CUX1: variants seen among roughly 807,000 people sequenced by gnomAD.
The protein encoded by CUX1 is cut like homeobox 1.
Under a neutral mutation model 158.8 loss-of-function variants are expected in CUX1, and 31 were observed. The observed-to-expected ratio is 0.20, with a 90% CI of 0.15 to 0.26. CUX1 has a LOEUF of 0.26. Ranked by LOEUF, CUX1 falls within the 10% of genes least tolerant of loss-of-function variation. CUX1 has a pLI of 1.00. For missense variants in CUX1, 1,589 were observed against 2,014.6 expected (o/e 0.79, Z 4.04); for synonymous variants, 879 against 862.1 (o/e 1.02, Z -0.34).
At chr7:102,028,696 C>T (rs1239507589) in intron 3 of CUX1, among the ~76,000 whole-genome samples, 23 of 152,276 alleles carry the variant, frequency 1.5e-4, no homozygotes, top group Non-Finnish European at 2.6e-4. Context: ...GCAGACGGCA[C>T]GTGGGTGGCA....
At chr7:102,017,891 G>A (rs1563136386) in intron 2 of CUX1, among the ~76,000 whole-genome samples, 1 of 152,108 alleles carries the variant, frequency 6.6e-6, no homozygotes, top group African/African-American at 2.4e-5. Context: ...CAAATCTATT[G>A]ATGTAATTGA....
In CUX1 at chr7:102,025,597, C is replaced by G. The variant is rs1280623097; in HGVS notation, c.142-2501C>G. ...GAGCCGAGATCATGCCACTGTACTC[C>G]AGCCTGGGTGACAGAGCCAGACCCC... On this transcript the variant is annotated intron_variant, in intron 2 of 23. Coordinates refer to ENST00000292535, the MANE Select transcript of CUX1 (RefSeq NM_181552.4). Among the ~76,000 whole-genome samples the G allele has an allele frequency of 1.3e-5, 2 of 151,840 alleles. 1 individual carries two copies. The highest frequency in any genetic ancestry group is 1.3e-4 in the Admixed American group (2 of 15,240).
intron 8 of CUX1, among the ~76,000 whole-genome samples, chr7:102,126,525 T>G (rs1265633550): frequency 6.6e-6 from 1 of 152,168 alleles, no homozygotes; most frequent in African/African-American, 2.4e-5. Context: ...ACAATGGCAT[T>G]ATGTCCCCTA....
At chr7:102,088,419 G>C (rs1283431762) in intron 4 of CUX1, among the ~76,000 whole-genome samples, 1 of 152,050 alleles carries the variant, frequency 6.6e-6, no homozygotes, top group Non-Finnish European at 1.5e-5. Context: ...GATCGCTTGA[G>C]GTCTGGAGCT....
In CUX1 at chr7:102,028,084, G is replaced by A. The variant is rs1318650162; in HGVS notation, c.142-14G>A. 3 of 1,612,012 alleles carry A rather than the reference G, an allele frequency of 1.9e-6. No homozygotes were observed. The highest frequency in any genetic ancestry group is 2.5e-6 in the Non-Finnish European group (3 of 1,179,908). ...CTCAAATGGCTGCTTCCTGACCTCC[G>A]CCTCCTGCTCCAGGATTTGCGCAAG... On this transcript the variant is annotated splice_polypyrimidine_tract_variant and intron_variant, in intron 2 of 23. Coordinates refer to ENST00000292535, the MANE Select transcript of CUX1 (RefSeq NM_181552.4).
intron 1 of CUX1, among the ~76,000 whole-genome samples, chr7:101,911,348 T>TTGGCCC (rs1178004675): frequency 3.9e-5 from 6 of 152,228 alleles, no homozygotes; most frequent in African/African-American, 1.2e-4. Context: ...GGCCTTGGCC[T>TTGGCCC]TGGCCCTCCA....
intron 20 of CUX1, among the ~76,000 whole-genome samples, chr7:102,216,514 GCA>G (rs538486124): frequency 4.6e-4 from 47 of 101,950 alleles, no homozygotes; most frequent in African/African-American, 1.4e-3. Context: ...GTGTGTGCGC[GCA>G]CACACACACT....
intron 2 of CUX1, among the ~76,000 whole-genome samples, chr7:101,992,763 G>T (rs1180907880): frequency 6.6e-6 from 1 of 152,166 alleles, no homozygotes; most frequent in Non-Finnish European, 1.5e-5. Context: ...GGCCACCAGA[G>T]CTTTGATTTC....
intron 1 of CUX1, among the ~76,000 whole-genome samples, chr7:101,905,710 A>T (rs1802676808): frequency 6.6e-6 from 1 of 152,244 alleles, no homozygotes; most frequent in Non-Finnish European, 1.5e-5. Flanking sequence ...ATTCGGCCCT[A>T]ATCTCCAAGA....
chr7:101,979,896 C>T (rs1585159379), intron 2 of CUX1, among the ~76,000 whole-genome samples: 1 of 152,226 alleles, frequency 6.6e-6, no homozygotes, highest in South Asian at 2.1e-4. Flanking sequence ...TTAGGTGATC[C>T]ACCCGCCTTG....
rs574622789 is a variant in CUX1 at position 102,135,973 on chromosome 7, C to CA, written c.674+20710dup. Reference sequence around the variant, plus strand: ...TGGGAGACAGAGCAAGGCTCTGTCTCAAAAAAAAAAGAAAATGGTTTTTTC... The same window carrying CA: ...TGGGAGACAGAGCAAGGCTCTGTCTCAAAAAAAAAAAGAAAATGGTTTTTTC... On this transcript the variant is annotated intron_variant, in intron 8 of 23. Coordinates refer to ENST00000292535, the MANE Select transcript of CUX1 (RefSeq NM_181552.4). Among the ~76,000 whole-genome samples, 151 of 141,114 alleles carry CA rather than the reference C, an allele frequency of 1.1e-3. 1 individual carries two copies. Among genetic ancestry groups the CA allele is most frequent in the African/African-American group, 1.6e-3 (60 of 38,500 alleles). The allele number at this position is 141,114 out of a possible 152,430, so 92.6% of individuals were successfully genotyped here.
chr7:102,030,689 G>GTGTTTTTTTTTTTTTTTTTTTTTTTTT (rs1554459461), intron 3 of CUX1, among the ~76,000 whole-genome samples: 217 of 82,522 alleles, frequency 2.6e-3, no homozygotes, highest in Middle Eastern at 7.4e-3. Context: ...ATTTTAAAAA[G>GTGTTTTTTTTTTTTTTTTTTTTTTTTT]TGTTTTTTTT....
chr7:101,992,839 A>G (rs889366981), intron 2 of CUX1, among the ~76,000 whole-genome samples: 9 of 139,018 alleles, frequency 6.5e-5, no homozygotes, highest in Admixed American at 5.6e-4. Context: ...ATTGTTGTTC[A>G]TGGTAATTAC....
In CUX1 at chr7:102,149,817, C is replaced by A. The variant is rs1437356656; in HGVS notation, c.675-8743C>A. ...GGATTCCAGACCTAGAGCCAAGTGA[C>A]CTTCCTCAGAGCCTGGCCCTGTCTC... On this transcript the variant is annotated intron_variant, in intron 8 of 23. Coordinates refer to ENST00000292535, the MANE Select transcript of CUX1 (RefSeq NM_181552.4). 3.9e-5 allele frequency among the ~76,000 whole-genome samples: 6 copies of A among 152,268 alleles called. No individual in the cohort carries two copies. In the East Asian group the frequency reaches 1.2e-3, roughly 29 times the overall value.
At chr7:102,027,228 T>C (rs1264205194) in intron 2 of CUX1, among the ~76,000 whole-genome samples, 2 of 151,922 alleles carry the variant, frequency 1.3e-5, no homozygotes, top group African/African-American at 2.4e-5. Flanking sequence ...CTACTACAAA[T>C]ACAAACATTA....
At position 102,028,154 on chromosome 7, in the gene CUX1, T is replaced by G. The variant is rs757627662; in HGVS notation, c.189+9T>G. The G allele has an allele frequency of 3.7e-6, 6 of 1,613,246 alleles. No homozygotes were observed. Among genetic ancestry groups the G allele is most frequent in the Middle Eastern group, 1.8e-4 (1 of 5,420 alleles). On this transcript the variant is annotated intron_variant, in intron 3 of 23. Coordinates refer to ENST00000292535, the MANE Select transcript of CUX1 (RefSeq NM_181552.4). Reference sequence around the variant, plus strand: ...AGAGTTTCCAAGGAGAGGTAAGCTTTTCTATTCATTTTCTATCCTGAGCCA... The same window carrying G: ...AGAGTTTCCAAGGAGAGGTAAGCTTGTCTATTCATTTTCTATCCTGAGCCA...
intron 11 of CUX1, among the ~76,000 whole-genome samples, chr7:102,187,680 T>C (rs1167649507): frequency 2.6e-5 from 4 of 151,770 alleles, no homozygotes; most frequent in African/African-American, 9.7e-5. Flanking sequence ...TTGTATTTTT[T>C]TTTTTTTTTT....
chr7:102,218,995 GT>G (rs1797524294), intron 20 of CUX1, among the ~76,000 whole-genome samples: 1 of 150,164 alleles, frequency 6.7e-6, no homozygotes, highest in African/African-American at 2.5e-5. Context: ...AGAGGCTGCA[GT>G]GAGCCAAGAT....
intron 4 of CUX1, among the ~76,000 whole-genome samples, chr7:102,092,928 AAAAAG>A (rs1828740796): frequency 8.3e-6 from 1 of 119,956 alleles, no homozygotes; most frequent in Non-Finnish European, 1.7e-5. Context: ...AAAAAAAAAA[AAAAAG>A]AAAGAAAGAA....
Sources: allele counts gnomAD v4.1 joint callset (sites outside exome capture counted in the v4.1 genomes callset), GRCh38; gene constraint gnomAD v4.1.1; transcripts MANE v1.5; gene names NCBI Gene and HGNC (gene_info 2026-07-23, HGNC 2026-07-21).